USP7: variants seen among roughly 807,000 people sequenced by gnomAD.
The protein encoded by USP7 is ubiquitin C-terminal hydrolase 7.
Under a neutral mutation model 162.9 loss-of-function variants are expected in USP7, and 9 were observed. That is an observed-to-expected ratio of 0.06 (90% CI 0.03 to 0.10). USP7 has a LOEUF of 0.10. USP7 is among the 10% of genes least tolerant of loss of function. USP7 has a pLI of 1.00. For synonymous variants in USP7, 562 were observed against 475.9 expected (o/e 1.18, Z -2.35); for missense variants, 715 against 1,373.7 (o/e 0.52, Z 7.58).
chr16:8,901,167 G>C lies in USP7; in HGVS notation c.2115C>G (p.Ile705Met). ...GTATTTTACAGGATATTGGTGTGTA[G>C]ATATGCCCACAGTAATTCAAGCTCC... ...KTRSLNYCGH[I>M]YTPISCKIRD... The change falls in exon 19 of 31, where the codon ATC (isoleucine) becomes ATG (methionine). Residue 705 changes from isoleucine (I) to methionine (M), a missense_variant. Coordinates refer to ENST00000344836, the MANE Select transcript of USP7 (RefSeq NM_003470.3). The C allele has an allele frequency of 6.2e-7, 1 of 1,613,990 alleles. No individual in the cohort carries two copies.
In USP7 at chr16:8,893,967, C is replaced by T. The variant is rs369818746; in HGVS notation, c.*31G>A. 47 of 1,605,246 alleles carry T rather than the reference C, an allele frequency of 2.9e-5. No homozygotes were observed. The highest frequency in any genetic ancestry group is 3.5e-5 in the Non-Finnish European group (41 of 1,172,024). ...GGCTGTTAAGGGGCCACCCACACAC[C>T]GTCCTCGCCTTGAACACACCAGCTT... On this transcript the variant is annotated 3_prime_UTR_variant, in exon 31 of 31. Coordinates refer to ENST00000344836, the MANE Select transcript of USP7 (RefSeq NM_003470.3).
intron 20 of USP7, 120 bp downstream of exon 20, chr16:8,900,870 T>C (rs950101432): frequency 1.7e-5 from 17 of 993,962 alleles, no homozygotes; most frequent in Non-Finnish European, 4.4e-6. Flanking sequence ...CAAGATCATC[T>C]GAGGCCCTGA....
intron 10 of USP7, among the ~76,000 whole-genome samples, chr16:8,913,383 G>GAGAGA (rs1371366603): frequency 6.6e-6 from 1 of 151,880 alleles, no homozygotes; most frequent in Non-Finnish European, 1.5e-5. Context: ...GGGAAGACAG[G>GAGAGA]AGAGAAGAGA....
intron 11 of USP7, among the ~76,000 whole-genome samples, chr16:8,910,422 C>G (rs991629426): frequency 6.6e-6 from 1 of 152,108 alleles, no homozygotes; most frequent in Non-Finnish European, 1.5e-5. Flanking sequence ...ACTAAGAAAT[C>G]CCACTTGTGA....
chr16:8,952,838 CTTTT>C (rs548309636), intron 1 of USP7, among the ~76,000 whole-genome samples: 11 of 145,342 alleles, frequency 7.6e-5, no homozygotes, highest in Non-Finnish European at 1.5e-4. Flanking sequence ...ACCACACTCG[CTTTT>C]TTTTTTTTAA....
In USP7 at chr16:8,963,683, C is replaced by A. The variant is rs1900114838; in HGVS notation, c.-398G>T. ...GCCGGTCGGGGGCCGCGGAGTCAGC[C>A]CCGCCTCGGGCCGGGCGCGGCGGAC... On this transcript the variant is annotated 5_prime_UTR_variant, in exon 1 of 31. Transcript: ENST00000344836. 1.4e-5 allele frequency among the ~76,000 whole-genome samples: 2 copies of A among 142,392 alleles called. No homozygotes were observed. The highest frequency in any genetic ancestry group is 3.1e-5 in the Non-Finnish European group (2 of 64,444). The allele number at this position is 142,392 out of a possible 152,430, so 93.4% of individuals were successfully genotyped here.
rs755330821 is a variant in USP7, at chr16:8,894,100, A to G, written c.3207T>C (p.Asn1069=). 1.2e-6 allele frequency: 2 copies of G among 1,614,082 alleles called. No individual in the cohort carries two copies. Among genetic ancestry groups the G allele is most frequent in the Non-Finnish European group, 1.7e-6 (2 of 1,179,948 alleles). ...CTAGCCAAGGCCGAGGATGAGACAT[A>G]TTACCTGGTGGGGATGAAGAAAAGC... is the stretch of plus-strand genomic sequence containing the variant. ...NLKDFEPQPG[N]MSHPRPWLGL... is the part of the protein sequence containing the mutation. The change falls in exon 31 of 31, where the codon AAT becomes AAC. Residue 1069 remains asparagine, a synonymous_variant. Coordinates refer to ENST00000344836, the MANE Select transcript of USP7 (RefSeq NM_003470.3).
At chr16:8,926,898 G>A (rs939893295) in intron 2 of USP7, among the ~76,000 whole-genome samples, 2 of 152,174 alleles carry the variant, frequency 1.3e-5, no homozygotes, top group Non-Finnish European at 2.9e-5. Flanking sequence ...CTGGCCCCTG[G>A]AGACTCTTGT....
At chr16:8,927,471 G>T (rs974127291) in intron 2 of USP7, among the ~76,000 whole-genome samples, 2 of 152,150 alleles carry the variant, frequency 1.3e-5, no homozygotes, top group African/African-American at 2.4e-5. Context: ...GCAAGTCCTA[G>T]TCAATCCCCA....
Position 8,963,691 on chromosome 16 carries a change from G to GGGCCGGGCGCGGCGGACGGGAGGCCT in USP7, c.-432_-407dup, listed in dbSNP as rs1409856555. ...GGGGCCGCGGAGTCAGCCCCGCCTC[G>GGGCCGGGCGCGGCGGACGGGAGGCCT]GGCCGGGCGCGGCGGACGGGAGGCC... On this transcript the variant is annotated 5_prime_UTR_variant, in exon 1 of 31. Transcript: ENST00000344836. 7.0e-6 allele frequency among the ~76,000 whole-genome samples: 1 copy of GGGCCGGGCGCGGCGGACGGGAGGCCT among 142,710 alleles called. No homozygotes were observed. Among genetic ancestry groups the GGGCCGGGCGCGGCGGACGGGAGGCCT allele is most frequent in the Non-Finnish European group, 1.5e-5 (1 of 64,614 alleles). 93.6% of individuals were successfully genotyped at this position (142,710 alleles called of 152,430 possible).
intron 1 of USP7, among the ~76,000 whole-genome samples, chr16:8,943,045 C>A (rs531334262): frequency 6.6e-6 from 1 of 152,208 alleles, no homozygotes; most frequent in African/African-American, 2.4e-5. Flanking sequence ...CAAAGTGGAC[C>A]CACTTTGACG....
At chr16:8,904,409 G>A (rs201458798) in intron 15 of USP7, 26 bp downstream of exon 15, 18 of 1,611,382 alleles carry the variant, frequency 1.1e-5, no homozygotes, top group Middle Eastern at 1.8e-4. Context: ...ATGGTGACCC[G>A]GAGTCCCAGA....
At chr16:8,934,282 T>C (rs527723961) in intron 1 of USP7, among the ~76,000 whole-genome samples, 28 of 152,316 alleles carry the variant, frequency 1.8e-4, no homozygotes, top group African/African-American at 6.3e-4. Flanking sequence ...TGCTCTGTAA[T>C]TCTGAGGTAC....
intron 1 of USP7, among the ~76,000 whole-genome samples, chr16:8,950,386 TA>T (rs1319869090): frequency 2.0e-5 from 3 of 152,208 alleles, no homozygotes; most frequent in African/African-American, 7.2e-5. Flanking sequence ...AAAAGCCCTT[TA>T]ATTTCATCAA....
chr16:8,957,527 T>A lies in USP7; in HGVS notation c.79+5680A>T, dbSNP rs1899856609. On this transcript the variant is annotated intron_variant, in intron 1 of 30. Coordinates refer to ENST00000344836, the MANE Select transcript of USP7 (RefSeq NM_003470.3). Reference sequence around the variant, plus strand: ...GAGAGGTTCAGGCAGGAGGATTGCTTGAGACCAGGAATTCCACACCAGCCT... The same window carrying A: ...GAGAGGTTCAGGCAGGAGGATTGCTAGAGACCAGGAATTCCACACCAGCCT... Among the ~76,000 whole-genome samples the A allele has an allele frequency of 2.0e-5, 3 of 151,512 alleles. No individual in the cohort carries two copies. In the South Asian group the frequency reaches 6.2e-4, roughly 32 times the overall value.
At chr16:8,959,776 A>C (rs1476281724) in intron 1 of USP7, among the ~76,000 whole-genome samples, 1 of 152,230 alleles carries the variant, frequency 6.6e-6, no homozygotes, top group Non-Finnish European at 1.5e-5. Context: ...GCTTCAGCAG[A>C]AAAGTAACTG....
chr16:8,930,371 T>A lies in USP7; in HGVS notation c.106A>T (p.Ile36Phe). 1 of 1,611,770 alleles carries A rather than the reference T, an allele frequency of 6.2e-7. No homozygotes were observed. Among genetic ancestry groups the A allele is most frequent in the Non-Finnish European group, 8.5e-7 (1 of 1,178,876 alleles). Residue 36 changes from isoleucine (I) to phenylalanine (F), a missense_variant, in exon 2 of 31, where the codon ATT becomes TTT. Ile to Phe is a conservative substitution (Grantham distance 21). This residue lies in a region of USP7 where 137 missense variants were observed against 123.5 expected (regional missense o/e 1.11). Transcript: ENST00000344836. ...CCATTGATCACAGGGTTCTGAGTAA[T>A]TCTTGGTGGGTCATCTGTATCTCCC... ...EAGDTDDPPR[I>F]TQNPVINGNV...
chr16:8,933,914 C>A (rs530085035), intron 1 of USP7, among the ~76,000 whole-genome samples: 2 of 152,204 alleles, frequency 1.3e-5, no homozygotes, highest in African/African-American at 4.8e-5. Flanking sequence ...TGCCACCACG[C>A]CCAGCTAATT....
At chr16:8,940,340 C>T (rs1425269882) in intron 1 of USP7, among the ~76,000 whole-genome samples, 1 of 152,234 alleles carries the variant, frequency 6.6e-6, no homozygotes, top group Non-Finnish European at 1.5e-5. Context: ...AGAACACCGC[C>T]AAATGCTCTG....
Sources: gnomAD v4.1 joint callset for allele counts (sites outside exome capture counted in the v4.1 genomes callset) on GRCh38, gnomAD v4.1.1 for gene constraint, gnomAD v4.1.1 regional missense constraint, MANE v1.5 for transcripts, NCBI Gene and HGNC (gene_info 2026-07-23, HGNC 2026-07-21) for gene names.